Variants in PDE4D observed in about 807,000 individuals in gnomAD.
PDE4D encodes phosphodiesterase 4D.
In PDE4D, 24 loss-of-function variants were observed where a neutral mutation model predicts 87.4. The ratio of observed to expected loss-of-function variants is 0.27; its 90% confidence interval spans 0.20 to 0.39. The LOEUF (loss-of-function observed/expected upper bound fraction) is 0.39. Among genes scored for constraint, PDE4D ranks in the 10% least tolerant of loss-of-function variants. The pLI, the probability that PDE4D is intolerant of heterozygous loss-of-function variation, is 1.00. For synonymous variants in PDE4D, 384 were observed against 383.2 expected, an observed-to-expected ratio of 1.00 and a Z score of -0.02; for missense variants, 714 against 1,041.0, an observed-to-expected ratio of 0.69 and a Z score of 4.32.
intron 2 of PDE4D, among the ~76,000 whole-genome samples, chr5:60,088,039 T>C (rs948931747): frequency 2.6e-5 from 4 of 152,112 alleles, no homozygotes; most frequent in African/African-American, 9.6e-5. Context: ...ATCTCTAATA[T>C]GGCTTTCAGC....
intron 1 of PDE4D, among the ~76,000 whole-genome samples, chr5:59,685,384 C>A (rs560250469): frequency 6.6e-6 from 1 of 152,166 alleles, no homozygotes; most frequent in South Asian, 2.1e-4. Flanking sequence ...TTAACTACAT[C>A]AACTCTTAGT....
intron 2 of PDE4D, among the ~76,000 whole-genome samples, chr5:59,204,472 A>G (rs1037782107): frequency 2.0e-5 from 3 of 152,214 alleles, no homozygotes; most frequent in Admixed American, 2.0e-4. Context: ...GATACACCAA[A>G]ATTTTCCAAG....
chr5:59,539,764 TAAATA>T (rs1815965383), intron 1 of PDE4D, among the ~76,000 whole-genome samples: 1 of 152,194 alleles, frequency 6.6e-6, no homozygotes, highest in African/African-American at 2.4e-5. Flanking sequence ...ATAACAAAAC[TAAATA>T]AAAGTCTACC....
At chr5:60,467,203 C>A (rs1747426747) in intron 1 of PDE4D, among the ~76,000 whole-genome samples, 1 of 152,004 alleles carries the variant, frequency 6.6e-6, no homozygotes. Flanking sequence ...CCACACCCAG[C>A]TAATTTTTGT....
chr5:60,462,235 C>T (rs995250990), intron 1 of PDE4D, among the ~76,000 whole-genome samples: 1 of 152,154 alleles, frequency 6.6e-6, no homozygotes, highest in Non-Finnish European at 1.5e-5. Flanking sequence ...AACCAGCTTC[C>T]AGGGCCTGGG....
chr5:60,414,711 T>C (rs1742337029), intron 1 of PDE4D, among the ~76,000 whole-genome samples: 1 of 152,300 alleles, frequency 6.6e-6, no homozygotes, highest in African/African-American at 2.4e-5. Context: ...CTTTTAAGTG[T>C]TATAAATATG....
chr5:59,522,020 A>T (rs565103418), intron 1 of PDE4D, among the ~76,000 whole-genome samples: 59 of 152,208 alleles, frequency 3.9e-4, no homozygotes, highest in African/African-American at 1.4e-3. Context: ...ATTGAGATTT[A>T]AAAAAAACTC....
At chr5:59,944,413 C>T (rs949292196) in intron 3 of PDE4D, among the ~76,000 whole-genome samples, 36 of 152,044 alleles carry the variant, frequency 2.4e-4, no homozygotes, top group Admixed American at 1.6e-3. Context: ...CGCTCTGTCG[C>T]CCAGTCTGTA....
At chr5:59,829,127 G>A (rs1373918937) in intron 1 of PDE4D, among the ~76,000 whole-genome samples, 1 of 146,528 alleles carries the variant, frequency 6.8e-6, no homozygotes, top group Non-Finnish European at 1.5e-5. Context: ...GTCCCAGAAA[G>A]ACATCATATA....
intron 1 of PDE4D, among the ~76,000 whole-genome samples, chr5:60,249,927 C>G: frequency 6.6e-6 from 1 of 151,886 alleles, no homozygotes; most frequent in Non-Finnish European, 1.5e-5. Flanking sequence ...ATTTATGATG[C>G]CATATAATGT....
chr5:59,183,178 G>A (rs948777118), intron 4 of PDE4D, among the ~76,000 whole-genome samples: 5 of 152,156 alleles, frequency 3.3e-5, no homozygotes, highest in East Asian at 1.9e-4. Context: ...CAAAGAAGCC[G>A]ATTTGGTTTG....
intron 1 of PDE4D, among the ~76,000 whole-genome samples, chr5:60,500,204 T>C (rs1042861453): frequency 1.3e-5 from 2 of 151,956 alleles, no homozygotes; most frequent in Non-Finnish European, 2.9e-5. Context: ...CTGGAGAGGC[T>C]GAGGAGAAAG....
chr5:59,340,808 C>A (rs1778599436), intron 1 of PDE4D, among the ~76,000 whole-genome samples: 3 of 152,114 alleles, frequency 2.0e-5, no homozygotes, highest in African/African-American at 7.2e-5. Context: ...TGGCTTATTT[C>A]ACTTAATATA....
intron 1 of PDE4D, among the ~76,000 whole-genome samples, chr5:60,337,979 T>C (rs1277620381): frequency 1.3e-5 from 2 of 152,188 alleles, no homozygotes; most frequent in African/African-American, 2.4e-5. Context: ...AATTATAAGA[T>C]GTTGTACTGT....
chr5:59,002,030 A>G (rs1317971491), intron 6 of PDE4D: 1 of 516,398 alleles, frequency 1.9e-6, no homozygotes, highest in African/African-American at 1.9e-5. Flanking sequence ...CCTATCTTTT[A>G]TCCAGAGCTG....
intron 1 of PDE4D, among the ~76,000 whole-genome samples, chr5:59,515,300 A>G (rs1168849223): frequency 6.6e-6 from 1 of 152,156 alleles, no homozygotes; most frequent in Non-Finnish European, 1.5e-5. Flanking sequence ...TTTTTTGGAC[A>G]AGTGTCCTCA....
chr5:59,400,353 A>G (rs1057504913), intron 1 of PDE4D, among the ~76,000 whole-genome samples: 1 of 135,046 alleles, frequency 7.4e-6, no homozygotes, highest in African/African-American at 3.0e-5. Flanking sequence ...ACAACGATAG[A>G]CTGGATTAAG....
In PDE4D at chr5:59,387,150, C is replaced by T. The variant is rs1420355743; in HGVS notation, c.456-171182G>A. 2.0e-5 allele frequency among the ~76,000 whole-genome samples: 3 copies of T among 152,032 alleles called. No individual in the cohort carries two copies. In the East Asian group the frequency reaches 5.8e-4, roughly 29 times the overall value. On this transcript the variant is annotated intron_variant, in intron 1 of 14. Transcript: ENST00000340635. ...GTGCCATAATGTTCTCTGTGGAGCA[C>T]CCAACCCCATTACTCTGTAAGCAAA...
chr5:60,090,710 C>T lies in PDE4D; in HGVS notation c.42+94847G>A, dbSNP rs141134955. The stretch of plus-strand genomic sequence containing the variant: ...GGCAAGAGAACGATACAAAGTGCAT[C>T]TAAATTGGAAAAGAAAAAGTCAAAC... On this transcript the variant is annotated intron_variant, in intron 2 of 16. Transcript: ENST00000502484. Among the ~76,000 whole-genome samples the T allele has an allele frequency of 8.3e-3, 1,256 of 152,166 alleles. 21 individuals carry two copies. The highest frequency in any genetic ancestry group is 0.028 in the African/African-American group (1,180 of 41,522).
Sources: allele counts gnomAD v4.1 joint callset (sites outside exome capture counted in the v4.1 genomes callset), GRCh38; gene constraint gnomAD v4.1.1; transcripts MANE v1.5; gene names NCBI Gene and HGNC (gene_info 2026-07-23, HGNC 2026-07-21).